Variants in CLASRP observed in about 807,000 individuals in gnomAD.
The protein encoded by CLASRP is CLK4 associating serine/arginine rich protein.
A neutral mutation model predicts 99.9 loss-of-function variants in CLASRP; 52 were observed. The ratio of observed to expected loss-of-function variants is 0.52; its 90% CI spans 0.42 to 0.66. CLASRP has a LOEUF of 0.66. Ranked by LOEUF, CLASRP falls within the 30% of genes least tolerant of loss-of-function variation. The pLI is 0.00. For synonymous variants in CLASRP, 379 were observed against 373.0 expected, an observed-to-expected ratio of 1.02 and a Z score of -0.18; for missense variants, 848 against 999.2, an observed-to-expected ratio of 0.85 and a Z score of 2.04.
intron 15 of CLASRP, 109 bp from the exon 16 acceptor site, chr19:45,068,311 T>TACC: frequency 5.7e-5 from 31 of 543,500 alleles, no homozygotes; most frequent in Non-Finnish European, 8.3e-5. Context: ...CACGTCGTTC[T>TACC]CCCCCCCCCA....
chr19:45,058,663 A>G (rs1172397304), intron 7 of CLASRP, among the ~76,000 whole-genome samples: 1 of 152,012 alleles, frequency 6.6e-6, no homozygotes, highest in Non-Finnish European at 1.5e-5. Flanking sequence ...GGGATTACAG[A>G]CGTGAGCCAC....
chr19:45,063,572 G>A (rs143161810), intron 11 of CLASRP, among the ~76,000 whole-genome samples: 239 of 149,940 alleles, frequency 1.6e-3, no homozygotes, highest in Middle Eastern at 3.5e-3. Flanking sequence ...TCAGCCTCCT[G>A]AGTAGCTGGA....
intron 2 of CLASRP, among the ~76,000 whole-genome samples, chr19:45,046,729 G>T (rs1208489666): frequency 1.3e-5 from 2 of 152,216 alleles, no homozygotes; most frequent in Admixed American, 6.5e-5. Flanking sequence ...TAATCCAGTG[G>T]TTAAGAGTTG....
chr19:45,060,284 C>T lies in CLASRP; in HGVS notation c.711-105C>T, dbSNP rs372209322. ...TTGAATGAAAGATACCTCAGGCTGGCGTGGGGTGACTCAGGTCCCTCACTT... is the reference window on the plus strand; with the variant it reads ...TTGAATGAAAGATACCTCAGGCTGGTGTGGGGTGACTCAGGTCCCTCACTT... On this transcript the variant is annotated intron_variant, in intron 8 of 20. Coordinates refer to ENST00000221455, the MANE Select transcript of CLASRP (RefSeq NM_007056.3). This position sits in a 1 kb window ranked among gnomAD's most constrained non-coding sequence, Gnocchi z 4.6. The T allele has an allele frequency of 2.7e-5, 25 of 942,986 alleles. No individual in the cohort carries two copies. Among genetic ancestry groups the T allele is most frequent in the Non-Finnish European group, 3.1e-5 (18 of 583,036 alleles). The allele number at this position is 942,986 out of a possible 1,614,324, so 58.4% of individuals were successfully genotyped here.
chr19:45,067,609 T>C lies in CLASRP; in HGVS notation c.1667+15T>C. On this transcript the variant is annotated intron_variant, in intron 14 of 20. Coordinates refer to ENST00000221455, the MANE Select transcript of CLASRP (RefSeq NM_007056.3). The surrounding 1 kb of genome is among the most constrained non-coding windows in gnomAD (Gnocchi z 4.9). ...AAGCTGAAAAAGTGAGCGGGGCGGG[T>C]CTGGAGGAAGAGGGCTGCCAATCTC... 1 of 1,577,016 alleles carries C rather than the reference T, an allele frequency of 6.3e-7. No individual in the cohort carries two copies. The highest frequency in any genetic ancestry group is 8.6e-7 in the Non-Finnish European group (1 of 1,162,874).
At position 45,067,651 on chromosome 19, in the gene CLASRP, C is replaced by G; in HGVS notation, c.1667+57C>G. The G allele has an allele frequency of 6.8e-7, 1 of 1,466,702 alleles. No individual in the cohort carries two copies. The highest frequency in any genetic ancestry group is 9.2e-7 in the Non-Finnish European group (1 of 1,081,914). The allele number at this position is 1,466,702 out of a possible 1,614,324, so 90.9% of individuals were successfully genotyped here. A position where few individuals can be genotyped will look rare whatever the true frequency, so the allele number is the denominator to read the frequency against. Reference sequence around the variant, plus strand: ...GCCAATCTCGGGTGGGGAGGGTGAACATCACTGTTTTCTTTTTGAGGGGAA... The same window carrying G: ...GCCAATCTCGGGTGGGGAGGGTGAAGATCACTGTTTTCTTTTTGAGGGGAA... On this transcript the variant is annotated intron_variant, in intron 14 of 20. Coordinates refer to ENST00000221455, the MANE Select transcript of CLASRP (RefSeq NM_007056.3). The surrounding 1 kb of genome is among the most constrained non-coding windows in gnomAD (Gnocchi z 4.9).
In CLASRP at chr19:45,052,954, C is replaced by T. The variant is rs903827178; in HGVS notation, c.299+62C>T. 2.0e-6 allele frequency: 3 copies of T among 1,535,258 alleles called. No homozygotes were observed. In the African/African-American group the frequency reaches 4.1e-5, roughly 21 times the overall value. On this transcript the variant is annotated intron_variant, in intron 4 of 20. Coordinates refer to ENST00000221455, the MANE Select transcript of CLASRP (RefSeq NM_007056.3). Reference sequence around the variant, plus strand: ...CATACCCAGGAGCCCCTGTTCTTTTCCCAGCCTACCTGTCACCTTCCTAGG... The same window carrying T: ...CATACCCAGGAGCCCCTGTTCTTTTTCCAGCCTACCTGTCACCTTCCTAGG...
chr19:45,067,492 G>A lies in CLASRP; in HGVS notation c.1565G>A (p.Arg522His), dbSNP rs746477902. 80 of 1,572,306 alleles carry A rather than the reference G, an allele frequency of 5.1e-5. No homozygotes were observed. Among genetic ancestry groups the A allele is most frequent in the Non-Finnish European group, 6.6e-5 (77 of 1,164,606 alleles). Reference sequence around the variant, plus strand: ...CATAGCCCCAGCCCCAGCCAGAGCCGCAGCCGCAGCCGCAGCCGCAGCCAG... The same window carrying A: ...CATAGCCCCAGCCCCAGCCAGAGCCACAGCCGCAGCCGCAGCCGCAGCCAG... ...RSHSPSPSQS[R>H]SRSRSRSQSP... is the part of the protein sequence containing the mutation. The change falls in exon 14 of 21, where the codon CGC (arginine) becomes CAC (histidine). Residue 522 changes from arginine (R) to histidine (H), a missense_variant. Physicochemically the swap from Arg to His is conservative, Grantham distance 29 (BLOSUM62 0). Transcript: ENST00000221455. This position sits in a 1 kb window ranked among gnomAD's most constrained non-coding sequence, Gnocchi z 4.9.
Position 45,069,813 on chromosome 19 carries a change from G to C in CLASRP, c.1875-209G>C, listed in dbSNP as rs949508489. On this transcript the variant is annotated intron_variant, in intron 18 of 20. Coordinates refer to ENST00000221455, the MANE Select transcript of CLASRP (RefSeq NM_007056.3). ...TATCCTGCCTCCCTCTGTTCCCCAG[G>C]CTTTCCTAGGAAGGGGCTGGGATTC... The C allele has an allele frequency of 2.1e-5, 12 of 565,780 alleles. No individual in the cohort carries two copies. The African/African-American group carries it at 2.3e-4, about 11-fold the overall frequency. The allele number at this position is 565,780 out of a possible 1,614,324, so 35.0% of individuals were successfully genotyped here.
Position 45,064,039 on chromosome 19 carries a change from C to T in CLASRP, c.933C>T (p.Ser311=). 6.2e-7 allele frequency: 1 copy of T among 1,612,030 alleles called. No homozygotes were observed. The highest frequency in any genetic ancestry group is 8.5e-7 in the Non-Finnish European group (1 of 1,179,502). The change falls in exon 12 of 21, where the codon TCC becomes TCT. Residue 311 remains serine (S), a synonymous_variant. Transcript: ENST00000221455. ...KRSPSESSSE[S]RSRSRSPTPG... ...CACCCTCGGAGTCCAGCTCAGAGTC[C>T]CGCTCCCGCTCCCGCTCCCCGACCC...
intron 8 of CLASRP, 116 bp downstream of exon 8, chr19:45,059,480 GGCCCAGGACT>G (rs1487345459): frequency 3.4e-6 from 3 of 870,158 alleles, no homozygotes; most frequent in Non-Finnish European, 3.6e-6. Context: ...CCTGGCCCTG[GGCCCAGGACT>G]TTACACATGC....
chr19:45,067,244 C>G lies in CLASRP; in HGVS notation c.1410-93C>G. 2 of 1,363,988 alleles carry G rather than the reference C, an allele frequency of 1.5e-6. No homozygotes were observed. The highest frequency in any genetic ancestry group is 3.0e-5 in the South Asian group (2 of 66,086). The allele number at this position is 1,363,988 out of a possible 1,614,324, so 84.5% of individuals were successfully genotyped here. A position where few individuals can be genotyped will look rare whatever the true frequency, so the allele number is the denominator to read the frequency against. On this transcript the variant is annotated intron_variant, in intron 13 of 20. Transcript: ENST00000221455. The surrounding 1 kb of genome is among the most constrained non-coding windows in gnomAD (Gnocchi z 4.9). The stretch of plus-strand genomic sequence containing the variant: ...GTCGAGCCTGTCACCCTGGGCCTTG[C>G]AGGAAGGAGGACTGTGGATCCGGAC...
intron 10 of CLASRP, among the ~76,000 whole-genome samples, chr19:45,061,386 T>G (rs572701944): frequency 6.6e-6 from 1 of 152,032 alleles, no homozygotes; most frequent in South Asian, 2.1e-4. Context: ...GGATCCCAGT[T>G]TCCTCCTTTA....
At chr19:45,069,283 C>T (rs773727768) in intron 18 of CLASRP, 35 bp downstream of exon 18, 7 of 1,603,724 alleles carry the variant, frequency 4.4e-6, no homozygotes, top group Non-Finnish European at 4.3e-6. Flanking sequence ...CATGGCCACA[C>T]CTCCTGGCCT....
intron 8 of CLASRP, among the ~76,000 whole-genome samples, chr19:45,059,741 A>C (rs2122578753): frequency 6.6e-6 from 1 of 152,324 alleles, no homozygotes; most frequent in South Asian, 2.1e-4. Flanking sequence ...TGAGCTCACA[A>C]GACCACACAG....
intron 2 of CLASRP, among the ~76,000 whole-genome samples, chr19:45,043,599 T>G (rs893046420): frequency 6.6e-5 from 10 of 152,108 alleles, no homozygotes; most frequent in African/African-American, 2.4e-4. Context: ...TAATTGATCC[T>G]TCGCAGGCAC....
At position 45,067,461 on chromosome 19, in the gene CLASRP, C is replaced by T. The variant is rs201434463; in HGVS notation, c.1534C>T (p.Arg512Cys). 141 of 1,552,306 alleles carry T rather than the reference C, an allele frequency of 9.1e-5. 1 individual carries two copies. In the Admixed American group the frequency reaches 2.3e-3, roughly 25 times the overall value. ...CCGCAGTCGCAGCCTGACTCGCAGC[C>T]GCAGCCATAGCCCCAGCCCCAGCCA... is the stretch of plus-strand genomic sequence containing the variant. ...PSRSRSLTRS[R>C]SHSPSPSQSR... The change falls in exon 14 of 21, where the codon CGC becomes TGC. Residue 512 changes from arginine (R) to cysteine (C), a missense_variant. Arg to Cys is a radical substitution (Grantham distance 180). Coordinates refer to ENST00000221455, the MANE Select transcript of CLASRP (RefSeq NM_007056.3). This position sits in a 1 kb window ranked among gnomAD's most constrained non-coding sequence, Gnocchi z 4.9.
intron 4 of CLASRP, 26 bp from the exon 5 acceptor site, chr19:45,053,072 T>A: frequency 6.2e-7 from 1 of 1,613,370 alleles, no homozygotes; most frequent in African/African-American, 1.3e-5. Flanking sequence ...TTCTCTCTGA[T>A]TTCAAGGTCT....
At chr19:45,058,068 G>T in intron 7 of CLASRP, 170 bp downstream of exon 7, 3 of 749,664 alleles carry the variant, frequency 4.0e-6, no homozygotes, top group Non-Finnish European at 6.4e-6. Flanking sequence ...GTCCTCCTCC[G>T]TTCCGGCCTT....
Sources: gnomAD v4.1 joint callset for allele counts (sites outside exome capture counted in the v4.1 genomes callset) on GRCh38, gnomAD v4.1.1 for gene constraint, Gnocchi (gnomAD v3.1) non-coding constraint, MANE v1.5 for transcripts, NCBI Gene and HGNC (gene_info 2026-07-23, HGNC 2026-07-21) for gene names.